FAM118A: variants seen among roughly 807,000 people sequenced by gnomAD.
FAM118A encodes the protein protein FAM118A.
A neutral mutation model predicts 38.2 loss-of-function variants in FAM118A; 25 were observed. The observed-to-expected ratio is 0.65, with a 90% CI of 0.48 to 0.91. The LOEUF (loss-of-function observed/expected upper bound fraction) is 0.91. Ranked by LOEUF, FAM118A falls within the 40% of genes least tolerant of loss-of-function variation. The probability of loss-of-function intolerance (pLI) is 0.00; values close to 1 mark genes in which losing one functional copy is unlikely to be tolerated. For missense variants in FAM118A, 425 were observed against 463.3 expected, an observed-to-expected ratio of 0.92 and a Z score of 0.76; for synonymous variants, 178 against 184.1, an observed-to-expected ratio of 0.97 and a Z score of 0.27.
At chr22:45,318,017 T>G (rs1047161353) in intron 1 of FAM118A, among the ~76,000 whole-genome samples, 3 of 152,226 alleles carry the variant, frequency 2.0e-5, no homozygotes, top group Non-Finnish European at 2.9e-5. Context: ...ACGGTAGGGT[T>G]GTGAGGTACT....
intron 1 of FAM118A, among the ~76,000 whole-genome samples, chr22:45,320,330 C>T (rs1464558465): frequency 4.6e-5 from 7 of 151,898 alleles, no homozygotes; most frequent in Admixed American, 2.6e-4. Flanking sequence ...GATGTGGTGG[C>T]GCAGGCCTGT....
chr22:45,316,794 C>G (rs1000155834), intron 1 of FAM118A, among the ~76,000 whole-genome samples: 2 of 152,178 alleles, frequency 1.3e-5, no homozygotes, highest in African/African-American at 2.4e-5. Flanking sequence ...GCTCTAAGGG[C>G]TCAACATAAA....
chr22:45,323,143 T>C, intron 2 of FAM118A, 32 bp from the exon 3 acceptor site: 2 of 1,602,500 alleles, frequency 1.2e-6, no homozygotes, highest in Non-Finnish European at 1.7e-6. Flanking sequence ...CCGCTTTGAC[T>C]TTCATTCTCT....
intron 1 of FAM118A, among the ~76,000 whole-genome samples, chr22:45,320,576 C>T (rs755540587): frequency 4.3e-4 from 65 of 152,174 alleles, no homozygotes; most frequent in Middle Eastern, 3.4e-3. Context: ...GCTGGGACTA[C>T]AGATGAGCAC....
At chr22:45,339,151 T>C (rs1420217038) in intron 8 of FAM118A, among the ~76,000 whole-genome samples, 1 of 152,216 alleles carries the variant, frequency 6.6e-6, no homozygotes, top group Non-Finnish European at 1.5e-5. Context: ...ACGCCTATAT[T>C]ACCAGCACTT....
intron 8 of FAM118A, 54 bp downstream of exon 8, chr22:45,336,465 G>A: frequency 7.2e-7 from 1 of 1,392,854 alleles, no homozygotes; most frequent in Non-Finnish European, 1.0e-6. Flanking sequence ...CTTGTTGGCA[G>A]GCATCTTCAG....
intron 8 of FAM118A, 95 bp downstream of exon 8, chr22:45,336,506 C>G (rs1190560287): frequency 1.1e-6 from 1 of 930,164 alleles, no homozygotes; most frequent in East Asian, 2.6e-5. Context: ...GCCCCGCGCC[C>G]TATGGTGGGA....
At chr22:45,335,578 T>G (rs1279444664) in intron 7 of FAM118A, among the ~76,000 whole-genome samples, 196 bp downstream of exon 7, 2 of 152,182 alleles carry the variant, frequency 1.3e-5, no homozygotes, top group Non-Finnish European at 2.9e-5. Context: ...AAGCCATCCC[T>G]TTGACGAGGA....
intron 2 of FAM118A, 55 bp downstream of exon 2, chr22:45,322,481 C>A: frequency 6.8e-7 from 1 of 1,472,430 alleles, no homozygotes; most frequent in Non-Finnish European, 9.4e-7. Context: ...TCTAGCGTCT[C>A]TCGTGAGTGT....
At chr22:45,309,716 AC>A, upstream of FAM118A, 1 of 152,154 alleles carries the variant, frequency 6.6e-6, no homozygotes, top group East Asian at 1.9e-4. Flanking sequence ...CGCACATCCG[AC>A]CGCGCCTGCG....
At chr22:45,330,537 ATTTTC>A (rs2085633731) in intron 4 of FAM118A, 61 bp from the exon 5 acceptor site, 1 of 1,422,552 alleles carries the variant, frequency 7.0e-7, no homozygotes, top group Non-Finnish European at 9.3e-7. Flanking sequence ...CATTTTCAGT[ATTTTC>A]TTCTCTCTGT....
At chr22:45,324,338 C>CCGT (rs1246075772) in intron 3 of FAM118A, among the ~76,000 whole-genome samples, 4 of 152,204 alleles carry the variant, frequency 2.6e-5, no homozygotes, top group African/African-American at 9.7e-5. Flanking sequence ...CAGGCAGCTT[C>CCGT]CGTCGGGTGC....
intron 1 of FAM118A, among the ~76,000 whole-genome samples, chr22:45,317,597 C>T (rs947022553): frequency 2.0e-5 from 3 of 152,242 alleles, no homozygotes; most frequent in African/African-American, 7.2e-5. Context: ...ATTCGTCCAT[C>T]TGCTCTGTTT....
intron 1 of FAM118A, chr22:45,322,150 CGA>C (rs1569129721): frequency 1.3e-6 from 2 of 1,481,578 alleles, no homozygotes; most frequent in Non-Finnish European, 1.8e-6. Context: ...TGTAGAACAG[CGA>C]GAGTCCAACC....
At chr22:45,336,763 T>C (rs1318683663) in intron 8 of FAM118A, among the ~76,000 whole-genome samples, 1 of 152,214 alleles carries the variant, frequency 6.6e-6, no homozygotes, top group Non-Finnish European at 1.5e-5. Context: ...TTTTGCGAAG[T>C]GAACGCTCCC....
rs182138282 is a variant in FAM118A at position 45,337,859 on chromosome 22, G to A, written c.1054+1448G>A. 1.7e-4 allele frequency: 171 copies of A among 985,352 alleles called. 2 individuals are homozygous for A. The African/African-American group carries it at 2.7e-3, about 16-fold the overall frequency. 61.0% of individuals were successfully genotyped at this position (985,352 alleles called of 1,614,324 possible). On this transcript the variant is annotated intron_variant, in intron 8 of 8. Coordinates refer to ENST00000441876, the MANE Select transcript of FAM118A (RefSeq NM_017911.4). ...GTGTCTGTGCCATCCTCATGCTCGCGGGAGTTTTGGCATGGGATTCTCCGT... is the reference window on the plus strand; with the variant it reads ...GTGTCTGTGCCATCCTCATGCTCGCAGGAGTTTTGGCATGGGATTCTCCGT...
intron 7 of FAM118A, 62 bp downstream of exon 7, chr22:45,335,444 C>T: frequency 6.4e-6 from 10 of 1,563,746 alleles, no homozygotes; most frequent in Non-Finnish European, 8.8e-6. Context: ...TGTCTTCTGT[C>T]ACTAACTGTA....
intron 3 of FAM118A, among the ~76,000 whole-genome samples, chr22:45,324,983 G>A (rs984006398): frequency 6.6e-6 from 1 of 152,220 alleles, no homozygotes; most frequent in African/African-American, 2.4e-5. Context: ...GGAGGCAGAG[G>A]TTGCAATGAA....
chr22:45,330,079 A>G (rs924423524), intron 4 of FAM118A: 2 of 152,272 alleles, frequency 1.3e-5, no homozygotes, highest in African/African-American at 4.8e-5. Context: ...AATAGCAGTA[A>G]TTAAAATATA....
Sources: gnomAD v4.1 joint callset for allele counts (sites outside exome capture counted in the v4.1 genomes callset) on GRCh38, gnomAD v4.1.1 for gene constraint, MANE v1.5 for transcripts, NCBI Gene and HGNC (gene_info 2026-07-23, HGNC 2026-07-21) for gene names.